The following CADPS2 variants were observed in gnomAD, a reference collection of about 807,000 sequenced individuals.
The protein encoded by CADPS2 is calcium-dependent secretion activator 2.
Under a neutral mutation model 172.5 loss-of-function variants are expected in CADPS2, and 93 were observed. The ratio of observed to expected loss-of-function variants is 0.54; its 90% confidence interval spans 0.46 to 0.64. CADPS2 has a LOEUF of 0.64. Ranked by LOEUF, CADPS2 falls within the 30% of genes least tolerant of loss-of-function variation. The pLI is 0.00. For synonymous variants in CADPS2, 546 were observed against 555.2 expected (o/e 0.98, Z 0.23); for missense variants, 1,420 against 1,565.9 (o/e 0.91, Z 1.57).
At chr7:122,567,470 T>C (rs564838657) in intron 7 of CADPS2, among the ~76,000 whole-genome samples, 116 of 152,274 alleles carry the variant, frequency 7.6e-4, no homozygotes, top group African/African-American at 2.8e-3. Flanking sequence ...TTCCTGAACA[T>C]CCCCTTTTTT....
In CADPS2 at chr7:122,318,736, T is replaced by TG. The variant is rs1233923089; in HGVS notation, c.*1428dup. On this transcript the variant is annotated 3_prime_UTR_variant, in exon 30 of 30. Coordinates refer to ENST00000449022, the MANE Select transcript of CADPS2 (RefSeq NM_017954.11). Reference sequence around the variant, plus strand: ...GGGCCCAGAAAATGAGCCAAAACAATGCTAAATAGTAACTGTAGATTAAAT... The same window carrying TG: ...GGGCCCAGAAAATGAGCCAAAACAATGGCTAAATAGTAACTGTAGATTAAAT... The TG allele has an allele frequency of 2.5e-4, 38 of 152,168 alleles. No individual in the cohort carries two copies. Among genetic ancestry groups the TG allele is most frequent in the Admixed American group, 2.5e-3 (38 of 15,264 alleles). 9.4% of individuals were successfully genotyped at this position (152,168 alleles called of 1,614,324 possible).
chr7:122,616,075 C>T (rs2074879759), intron 5 of CADPS2, among the ~76,000 whole-genome samples: 1 of 152,070 alleles, frequency 6.6e-6, no homozygotes, highest in East Asian at 1.9e-4. Context: ...AACACTGTAA[C>T]CTATCATTCT....
At chr7:122,467,245 C>G (rs1343559264) in intron 14 of CADPS2, among the ~76,000 whole-genome samples, 3 of 152,148 alleles carry the variant, frequency 2.0e-5, no homozygotes, top group Non-Finnish European at 4.4e-5. Context: ...CCATTTACAA[C>G]GTGTGTGTCA....
intron 2 of CADPS2, among the ~76,000 whole-genome samples, chr7:122,696,209 G>T (rs902586810): frequency 1.3e-5 from 2 of 152,256 alleles, no homozygotes; most frequent in South Asian, 2.1e-4. Flanking sequence ...CTGTCATGGG[G>T]TCCTCAGTGT....
intron 1 of CADPS2, among the ~76,000 whole-genome samples, chr7:122,763,472 CAG>C (rs1344247326): frequency 1.3e-5 from 2 of 152,040 alleles, no homozygotes; most frequent in African/African-American, 4.8e-5. Context: ...TTAGAAGAAA[CAG>C]AGAAAAGAGC....
chr7:122,331,508 G>A (rs1020778470), intron 28 of CADPS2, among the ~76,000 whole-genome samples: 16 of 152,062 alleles, frequency 1.1e-4, no homozygotes, highest in African/African-American at 2.2e-4. Context: ...GTGCTGTGAC[G>A]TGTGCCTGTA....
intron 25 of CADPS2, among the ~76,000 whole-genome samples, chr7:122,365,614 T>G (rs1585298384): frequency 6.6e-6 from 1 of 152,314 alleles, no homozygotes; most frequent in African/African-American, 2.4e-5. Context: ...CACTTATGGG[T>G]TTGCCTTTGT....
At chr7:122,477,142 G>C (rs2152227510) in intron 12 of CADPS2, among the ~76,000 whole-genome samples, 1 of 151,622 alleles carries the variant, frequency 6.6e-6, no homozygotes, top group South Asian at 2.1e-4. Context: ...TCAAGAACAG[G>C]CATTCAGTTT....
At chr7:122,841,730 C>G (rs1810569832) in intron 1 of CADPS2, among the ~76,000 whole-genome samples, 1 of 152,084 alleles carries the variant, frequency 6.6e-6, no homozygotes, top group Non-Finnish European at 1.5e-5. Context: ...CGAAGAGTTG[C>G]CTTAAATTTT....
At chr7:122,593,590 C>T (rs535025644) in intron 6 of CADPS2, among the ~76,000 whole-genome samples, 3 of 152,104 alleles carry the variant, frequency 2.0e-5, no homozygotes, top group African/African-American at 4.8e-5. Flanking sequence ...AGAGAATGTT[C>T]GTTATTCTTA....
intron 7 of CADPS2, among the ~76,000 whole-genome samples, chr7:122,558,723 TG>T (rs2065342185): frequency 6.6e-6 from 1 of 152,150 alleles, no homozygotes; most frequent in Non-Finnish European, 1.5e-5. Context: ...TAGAGTGATA[TG>T]GGGTTCAGAA....
At chr7:122,774,457 C>A (rs2139183213) in intron 1 of CADPS2, among the ~76,000 whole-genome samples, 1 of 152,164 alleles carries the variant, frequency 6.6e-6, no homozygotes, top group South Asian at 2.1e-4. Flanking sequence ...AGAACCATTT[C>A]CAAGAAAAAG....
intron 8 of CADPS2, among the ~76,000 whole-genome samples, chr7:122,542,094 T>A (rs1468220495): frequency 6.6e-6 from 1 of 151,900 alleles, no homozygotes; most frequent in East Asian, 1.9e-4. Context: ...GTCACTTTAG[T>A]GATACTAGTT....
intron 3 of CADPS2, among the ~76,000 whole-genome samples, chr7:122,643,167 G>A (rs1234708675): frequency 1.3e-5 from 2 of 152,090 alleles, no homozygotes; most frequent in Admixed American, 1.3e-4. Context: ...ACCATATCTA[G>A]CAGCCCAGTG....
intron 3 of CADPS2, among the ~76,000 whole-genome samples, chr7:122,645,527 A>T (rs1040779126): frequency 8.5e-4 from 21 of 24,848 alleles, no homozygotes; most frequent in African/African-American, 4.0e-3. Context: ...TATATATATA[A>T]GTATATATAT....
intron 1 of CADPS2, chr7:122,850,057 TG>T: frequency 4.5e-6 from 6 of 1,339,804 alleles, no homozygotes; most frequent in East Asian, 5.7e-5. Context: ...GATGAAGACC[TG>T]GGGGCCTTGC....
At chr7:122,437,385 A>G (rs1420465534) in intron 17 of CADPS2, among the ~76,000 whole-genome samples, 1 of 152,096 alleles carries the variant, frequency 6.6e-6, no homozygotes, top group Middle Eastern at 3.2e-3. Context: ...AGAAAGGAAT[A>G]ATAACACAAA....
chr7:122,490,080 C>G lies in CADPS2; in HGVS notation c.1852+1G>C, dbSNP rs752659447. ...TCAAATTATTTTTTAACAAAACTTA[C>G]AAAGCTGAGCATCTGCATGGAGAGT... On this transcript the variant is annotated splice_donor_variant, in intron 11 of 29. Coordinates refer to ENST00000449022, the MANE Select transcript of CADPS2 (RefSeq NM_017954.11). LOFTEE classifies it high-confidence loss of function. 5 of 1,612,680 alleles carry G rather than the reference C, an allele frequency of 3.1e-6. No individual in the cohort carries two copies. The highest frequency in any genetic ancestry group is 8.5e-7 in the Non-Finnish European group (1 of 1,179,138).
intron 11 of CADPS2, among the ~76,000 whole-genome samples, chr7:122,481,093 T>C (rs2057236057): frequency 6.6e-6 from 1 of 151,882 alleles, no homozygotes; most frequent in Non-Finnish European, 1.5e-5. Context: ...GAGGAATTCA[T>C]GGCATTTCTC....
Sources: gnomAD v4.1 joint callset for allele counts (sites outside exome capture counted in the v4.1 genomes callset) on GRCh38, gnomAD v4.1.1 for gene constraint, MANE v1.5 for transcripts, NCBI Gene and HGNC (gene_info 2026-07-23, HGNC 2026-07-21) for gene names.